Variants in TMC7 observed in about 807,000 individuals in gnomAD.
TMC7 encodes transmembrane channel-like protein 7.
TMC7 carries 54 observed loss-of-function variants against 82.9 expected under a neutral mutation model. That is an observed-to-expected ratio of 0.65 (90% CI 0.52 to 0.82). The LOEUF (loss-of-function observed/expected upper bound fraction) is 0.82, where lower values mean the gene tolerates loss of function less well. Ranked by LOEUF, TMC7 falls within the 40% of genes least tolerant of loss-of-function variation. The probability of loss-of-function intolerance (pLI) is 0.00; values close to 1 mark genes in which losing one functional copy is unlikely to be tolerated. For synonymous variants in TMC7, 350 were observed against 337.9 expected (o/e 1.04, Z -0.39); for missense variants, 820 against 901.2 (o/e 0.91, Z 1.15).
chr16:19,026,607 T>G (rs1056904397), intron 5 of TMC7, among the ~76,000 whole-genome samples: 13 of 152,220 alleles, frequency 8.5e-5, no homozygotes, highest in Admixed American at 7.2e-4. Flanking sequence ...CACTGTAACC[T>G]TCTTCCTGAT....
intron 7 of TMC7, among the ~76,000 whole-genome samples, chr16:19,037,472 C>CT (rs57300199): frequency 1.4e-3 from 176 of 130,232 alleles, no homozygotes; most frequent in Admixed American, 1.4e-3. Context: ...TAAAAGATGT[C>CT]TTTTTTTTTT....
At chr16:19,051,006 C>T (rs1027467085) in intron 12 of TMC7, among the ~76,000 whole-genome samples, 1 of 152,120 alleles carries the variant, frequency 6.6e-6, no homozygotes, top group African/African-American at 2.4e-5. Context: ...CCCGTTCTGA[C>T]CTCCCAAAGT....
chr16:19,046,647 C>A (rs536459830), intron 11 of TMC7, among the ~76,000 whole-genome samples: 2 of 152,074 alleles, frequency 1.3e-5, no homozygotes, highest in African/African-American at 4.8e-5. Flanking sequence ...CCAGCCTGGG[C>A]AAAATAGCGA....
At chr16:19,032,220 G>A (rs1263168426) in intron 6 of TMC7, among the ~76,000 whole-genome samples, 2 of 152,082 alleles carry the variant, frequency 1.3e-5, no homozygotes, top group Non-Finnish European at 2.9e-5. Flanking sequence ...AGGGTGCTGT[G>A]GATTGATCTG....
At chr16:19,042,823 T>C (rs1961081455) in intron 9 of TMC7, among the ~76,000 whole-genome samples, 1 of 151,966 alleles carries the variant, frequency 6.6e-6, no homozygotes, top group Non-Finnish European at 1.5e-5. Context: ...CTCGGCTCAC[T>C]GCAAGCTCCG....
chr16:19,014,549 T>C (rs1292458546), intron 2 of TMC7, among the ~76,000 whole-genome samples: 1 of 152,244 alleles, frequency 6.6e-6, no homozygotes, highest in African/African-American at 2.4e-5. Flanking sequence ...GTGTGCCATA[T>C]GCCATGGATG....
intron 1 of TMC7, among the ~76,000 whole-genome samples, chr16:19,006,253 T>A (rs1357606959): frequency 1.3e-5 from 2 of 148,582 alleles, no homozygotes; most frequent in African/African-American, 5.0e-5. Flanking sequence ...CAGGCTGGAG[T>A]GCAATGGCAC....
At chr16:18,993,931 G>A (rs1007838389) in intron 1 of TMC7, among the ~76,000 whole-genome samples, 1 of 152,168 alleles carries the variant, frequency 6.6e-6, no homozygotes, top group African/African-American at 2.4e-5. Context: ...TGCCTTTGCT[G>A]GTGAGTGGTG....
chr16:18,984,634 T>A (rs1443476515), intron 1 of TMC7: 1 of 526,528 alleles, frequency 1.9e-6, no homozygotes, highest in Admixed American at 6.4e-5. Context: ...AAAATGGGAA[T>A]AGAATGGGGC....
chr16:19,023,758 A>G (rs769027928), intron 5 of TMC7, among the ~76,000 whole-genome samples: 1 of 152,154 alleles, frequency 6.6e-6, no homozygotes, highest in Non-Finnish European at 1.5e-5. Flanking sequence ...TAGTCCTTCA[A>G]TCTTTGTATT....
At chr16:19,003,419 C>A (rs1485179809) in intron 1 of TMC7, among the ~76,000 whole-genome samples, 2 of 148,692 alleles carry the variant, frequency 1.3e-5, no homozygotes, top group Non-Finnish European at 3.0e-5. Context: ...GGGGGTCAGC[C>A]CCCCTGCCCG....
chr16:19,009,743 C>A (rs1284280736), intron 2 of TMC7, among the ~76,000 whole-genome samples: 4 of 151,912 alleles, frequency 2.6e-5, no homozygotes, highest in Non-Finnish European at 5.9e-5. Context: ...AGTTCGAGAC[C>A]AGCCTGGCCA....
At chr16:19,020,853 A>T (rs946155251) in intron 3 of TMC7, among the ~76,000 whole-genome samples, 1 of 142,568 alleles carries the variant, frequency 7.0e-6, no homozygotes, top group African/African-American at 2.6e-5. Flanking sequence ...CATGGTGTCA[A>T]AAATAAATAA....
At chr16:19,017,454 T>C (rs906499629) in intron 3 of TMC7, among the ~76,000 whole-genome samples, 2 of 150,798 alleles carry the variant, frequency 1.3e-5, no homozygotes, top group East Asian at 3.9e-4. Context: ...TGCATAAATA[T>C]ATTATTTTAA....
At chr16:19,006,112 C>A (rs903042680) in intron 1 of TMC7, among the ~76,000 whole-genome samples, 1 of 152,192 alleles carries the variant, frequency 6.6e-6, no homozygotes, top group Non-Finnish European at 1.5e-5. Flanking sequence ...CTGCCTGGGA[C>A]CTTCTACCCA....
chr16:19,001,933 T>C (rs1171711127), intron 1 of TMC7, among the ~76,000 whole-genome samples: 1 of 152,132 alleles, frequency 6.6e-6, no homozygotes, highest in African/African-American at 2.4e-5. Flanking sequence ...ACCTACAAGG[T>C]CCCTTTTTAC....
chr16:19,035,589 A>G (rs1258279809), intron 6 of TMC7, 87 bp from the exon 7 acceptor site: 1 of 1,543,668 alleles, frequency 6.5e-7, no homozygotes, highest in Non-Finnish European at 8.9e-7. Context: ...AGCTATGTCT[A>G]ACTTTTTAAG....
chr16:19,059,660 C>A (rs1416501039), intron 15 of TMC7, 166 bp downstream of exon 15: 3 of 1,543,962 alleles, frequency 1.9e-6, no homozygotes, highest in East Asian at 2.4e-5. Flanking sequence ...TTCATTAATT[C>A]ACTGATTCAT....
intron 9 of TMC7, 65 bp from the exon 10 acceptor site, chr16:19,044,819 A>T (rs1375518660): frequency 2.3e-6 from 2 of 885,850 alleles, no homozygotes. Context: ...CCCTAGCCCC[A>T]GTTCCAAGGG....
Sources: gnomAD v4.1 joint callset for allele counts (sites outside exome capture counted in the v4.1 genomes callset) on GRCh38, gnomAD v4.1.1 for gene constraint, MANE v1.5 for transcripts, NCBI Gene and HGNC (gene_info 2026-07-23, HGNC 2026-07-21) for gene names.